The following MBD5 variants were observed in gnomAD, a reference collection of about 807,000 sequenced individuals.
The protein encoded by MBD5 is methyl-CpG-binding domain protein 5.
In MBD5, 13 loss-of-function variants were observed where a neutral mutation model predicts 117.3. The ratio of observed to expected loss-of-function variants is 0.11; its 90% CI spans 0.07 to 0.18. The LOEUF (loss-of-function observed/expected upper bound fraction) is 0.18. Ranked by LOEUF, MBD5 falls within the 10% of genes least tolerant of loss-of-function variation. MBD5 has a pLI of 1.00. For synonymous variants in MBD5, 727 were observed against 766.4 expected (o/e 0.95, Z 0.85); for missense variants, 1,879 against 2,093.8 (o/e 0.90, Z 2.00).
chr2:148,287,747 A>G (rs1701396968), intron 3 of MBD5, among the ~76,000 whole-genome samples: 1 of 152,190 alleles, frequency 6.6e-6, no homozygotes, highest in South Asian at 2.1e-4. Context: ...AAGATAAAGC[A>G]AGAGAGTGTC....
chr2:148,323,808 T>C (rs542766531), intron 3 of MBD5, among the ~76,000 whole-genome samples: 6 of 152,310 alleles, frequency 3.9e-5, no homozygotes, highest in African/African-American at 1.4e-4. Context: ...TTCACTCTGA[T>C]GGTAGTTTAT....
intron 4 of MBD5, among the ~76,000 whole-genome samples, chr2:148,440,546 A>G (rs2105393975): frequency 6.6e-6 from 1 of 152,246 alleles, no homozygotes; most frequent in South Asian, 2.1e-4. Context: ...TATTAAGAAG[A>G]ACTTTTCTAT....
At chr2:148,475,597 G>A (rs906492728) in intron 8 of MBD5, among the ~76,000 whole-genome samples, 1 of 152,078 alleles carries the variant, frequency 6.6e-6, no homozygotes, top group African/African-American at 2.4e-5. Context: ...AATTGTCCCA[G>A]TGTGCAAATT....
At chr2:148,224,364 G>A (rs1256475517) in intron 2 of MBD5, among the ~76,000 whole-genome samples, 2 of 151,910 alleles carry the variant, frequency 1.3e-5, no homozygotes, top group Non-Finnish European at 2.9e-5. Context: ...TATTTTTTGA[G>A]ATGGAGTCTC....
rs1329370749 is a variant in MBD5 at position 148,384,015 on chromosome 2, A to G, written c.-557+41679A>G. Among the ~76,000 whole-genome samples the G allele has an allele frequency of 2.1e-3, 325 of 152,222 alleles. 2 individuals are homozygous for G. The highest frequency in any genetic ancestry group is 1.1e-3 in the Non-Finnish European group (72 of 67,992). The stretch of plus-strand genomic sequence containing the variant: ...CCACAGCCAATATCATACTGAATGG[A>G]CAAAAACTGGAAGCATTCCCTTTGA... On this transcript the variant is annotated intron_variant, in intron 4 of 13. Transcript: ENST00000642680.
intron 3 of MBD5, among the ~76,000 whole-genome samples, chr2:148,318,892 T>C (rs1201001676): frequency 2.6e-5 from 4 of 152,160 alleles, no homozygotes; most frequent in African/African-American, 4.8e-5. Flanking sequence ...ATTCTTTTAT[T>C]TGTAGTAGAG....
At chr2:148,446,301 A>AAGG (rs1194173399) in intron 4 of MBD5, among the ~76,000 whole-genome samples, 1 of 152,096 alleles carries the variant, frequency 6.6e-6, no homozygotes, top group East Asian at 1.9e-4. Flanking sequence ...TCTTGAATTA[A>AAGG]TTTTTGTATG....
chr2:148,353,227 G>A (rs1395272978), intron 4 of MBD5, among the ~76,000 whole-genome samples: 4 of 152,090 alleles, frequency 2.6e-5, no homozygotes, highest in Non-Finnish European at 5.9e-5. Context: ...AATTTTTATA[G>A]AGGTTGTATT....
intron 1 of MBD5, among the ~76,000 whole-genome samples, chr2:148,120,129 G>T (rs1301946007): frequency 6.6e-6 from 1 of 152,084 alleles, no homozygotes; most frequent in Non-Finnish European, 1.5e-5. Context: ...GCTCAGGCTG[G>T]TCTCAAACTC....
intron 1 of MBD5, among the ~76,000 whole-genome samples, chr2:148,125,029 G>A (rs1021815302): frequency 6.6e-6 from 1 of 151,290 alleles, no homozygotes; most frequent in African/African-American, 2.4e-5. Flanking sequence ...TATTATTCTA[G>A]AACACACTTT....
At chr2:148,375,140 T>A (rs1436075339) in intron 4 of MBD5, among the ~76,000 whole-genome samples, 1 of 152,214 alleles carries the variant, frequency 6.6e-6, no homozygotes, top group African/African-American at 2.4e-5. Flanking sequence ...CAAAACTTTA[T>A]GGTTTCATAG....
chr2:148,127,442 G>A (rs1280902071), intron 1 of MBD5, among the ~76,000 whole-genome samples: 1 of 152,072 alleles, frequency 6.6e-6, no homozygotes, highest in African/African-American at 2.4e-5. Context: ...GTGTCCACGT[G>A]TTCTCATCAT....
intron 3 of MBD5, among the ~76,000 whole-genome samples, chr2:148,294,381 C>A (rs1270452574): frequency 6.7e-6 from 1 of 148,908 alleles, no homozygotes; most frequent in African/African-American, 2.5e-5. Context: ...CCCGCCACCA[C>A]GCCCGGCTAA....
intron 3 of MBD5, among the ~76,000 whole-genome samples, chr2:148,238,451 T>C (rs576776513): frequency 6.6e-6 from 1 of 152,314 alleles, no homozygotes; most frequent in Admixed American, 6.5e-5. Flanking sequence ...CTTCTTGGGA[T>C]TAAATCTCTT....
intron 1 of MBD5, among the ~76,000 whole-genome samples, chr2:148,113,823 GA>G (rs1162442947): frequency 6.6e-6 from 1 of 151,986 alleles, no homozygotes; most frequent in Non-Finnish European, 1.5e-5. Flanking sequence ...AAACATAGAA[GA>G]AAAAGAGGAA....
intron 4 of MBD5, among the ~76,000 whole-genome samples, chr2:148,356,197 C>G (rs757882189): frequency 3.3e-5 from 5 of 152,044 alleles, no homozygotes; most frequent in Admixed American, 6.6e-5. Flanking sequence ...ATTTGGTGTT[C>G]CCTCTACCTG....
At chr2:148,143,607 T>C (rs1574059738) in intron 1 of MBD5, among the ~76,000 whole-genome samples, 1 of 151,778 alleles carries the variant, frequency 6.6e-6, no homozygotes, top group Non-Finnish European at 1.5e-5. Flanking sequence ...CTATATCTCC[T>C]AATACCCACA....
chr2:148,261,839 C>T (rs1700741207), intron 3 of MBD5, among the ~76,000 whole-genome samples: 1 of 152,196 alleles, frequency 6.6e-6, no homozygotes, highest in African/African-American at 2.4e-5. Flanking sequence ...ACATGTGATT[C>T]TTTCTTTCAC....
At chr2:148,325,749 G>T (rs1399131780) in intron 3 of MBD5, among the ~76,000 whole-genome samples, 1 of 151,792 alleles carries the variant, frequency 6.6e-6, no homozygotes, top group African/African-American at 2.4e-5. Flanking sequence ...AGTCTTGCTA[G>T]TGGTCTATCA....
Sources: gnomAD v4.1 joint callset for allele counts (sites outside exome capture counted in the v4.1 genomes callset) on GRCh38, gnomAD v4.1.1 for gene constraint, MANE v1.5 for transcripts, NCBI Gene and HGNC (gene_info 2026-07-23, HGNC 2026-07-21) for gene names.